Variants in SLC25A48 observed in about 807,000 individuals in gnomAD.
SLC25A48 encodes the protein CTC-321K16.1.
In SLC25A48, 29 loss-of-function variants were observed where a neutral mutation model predicts 32.2. The ratio of observed to expected loss-of-function variants is 0.90; its 90% CI spans 0.67 to 1.23. The LOEUF is 1.23. Among genes scored for constraint, SLC25A48 ranks in the 50% most tolerant of loss-of-function variants. The pLI, the probability that SLC25A48 is intolerant of heterozygous loss-of-function variation, is 0.00. For missense variants in SLC25A48, 399 were observed against 422.7 expected, an observed-to-expected ratio of 0.94 and a Z score of 0.49; for synonymous variants, 164 against 172.3, an observed-to-expected ratio of 0.95 and a Z score of 0.38.
chr5:135,590,244 C>A (rs1450768087), intron 1 of SLC25A48, among the ~76,000 whole-genome samples: 1 of 152,180 alleles, frequency 6.6e-6, no homozygotes, highest in Admixed American at 6.5e-5. Context: ...GAACTGACTC[C>A]CAGGGAACTG....
chr5:135,723,426 G>A (rs1435146428), intron 3 of SLC25A48, among the ~76,000 whole-genome samples: 2 of 89,376 alleles, frequency 2.2e-5, no homozygotes, highest in Non-Finnish European at 6.0e-5. Flanking sequence ...TGGGGAGGGG[G>A]ACAGCTCTAG....
chr5:135,750,292 A>C (rs3963615), intron 3 of SLC25A48, among the ~76,000 whole-genome samples: 107,785 of 151,940 alleles, frequency 0.71, 39,678 homozygotes, highest in Middle Eastern at 0.83. Flanking sequence ...ATGGTTTAAA[A>C]CCACCATGGT....
rs76659275 is a variant in SLC25A48 at position 135,874,257 on chromosome 5, G to A, written c.813+103G>A. ...TAGAGAAGGGAATCAGGAGACCAGGGGGCTGCTGGTGATTATGTATCAGGT... is the reference window on the plus strand; with the variant it reads ...TAGAGAAGGGAATCAGGAGACCAGGAGGCTGCTGGTGATTATGTATCAGGT... On this transcript the variant is annotated intron_variant, in intron 6 of 7. Transcript: ENST00000681962. The A allele has an allele frequency of 6.6e-3, 8,538 of 1,302,160 alleles. 493 individuals are homozygous for A. In the African/African-American group the frequency reaches 0.12, roughly 18 times the overall value. The allele number at this position is 1,302,160 out of a possible 1,614,324, so 80.7% of individuals were successfully genotyped here. A position where few individuals can be genotyped will look rare whatever the true frequency, so the allele number is the denominator to read the frequency against.
chr5:135,651,598 T>C (rs1753115012), intron 3 of SLC25A48, among the ~76,000 whole-genome samples: 1 of 152,118 alleles, frequency 6.6e-6, no homozygotes, highest in African/African-American at 2.4e-5. Flanking sequence ...GCCCTAGGGG[T>C]AGTGGCTGCT....
At chr5:135,712,926 C>T (rs1345009369) in intron 3 of SLC25A48, among the ~76,000 whole-genome samples, 1 of 152,222 alleles carries the variant, frequency 6.6e-6, no homozygotes, top group Non-Finnish European at 1.5e-5. Flanking sequence ...TTCAGGGAGG[C>T]TCTGTATGCC....
rs116406230 is a variant in SLC25A48, at chr5:135,838,490, G to A, written c.46+3597G>A. ...GATAAATGTTTATCACCAAGACAGT[G>A]GGGTAAATATCTGCAGGGCATGTCA... On this transcript the variant is annotated intron_variant, in intron 1 of 7. Transcript: ENST00000681962. Among the ~76,000 whole-genome samples the A allele has an allele frequency of 4.3e-3, 660 of 152,350 alleles. 8 individuals are homozygous for A. Among genetic ancestry groups the A allele is most frequent in the Non-Finnish European group, 6.4e-3 (438 of 68,034 alleles).
chr5:135,887,949 GA>G, intron 7 of SLC25A48, 82 bp from the exon 8 acceptor site: 1 of 1,293,488 alleles, frequency 7.7e-7, no homozygotes, highest in African/African-American at 1.5e-5. Flanking sequence ...GGGGTTAGAG[GA>G]AGGGGTGGCC....
chr5:135,836,101 C>T (rs1580944458), intron 1 of SLC25A48, among the ~76,000 whole-genome samples: 1 of 152,294 alleles, frequency 6.6e-6, no homozygotes, highest in East Asian at 1.9e-4. Context: ...CCGTGGGCTG[C>T]CCCTTAAATA....
At chr5:135,825,437 C>T (rs535882166) in intron 4 of SLC25A48, among the ~76,000 whole-genome samples, 9 of 152,256 alleles carry the variant, frequency 5.9e-5, no homozygotes, top group South Asian at 2.1e-4. Context: ...GAGGCAAGGC[C>T]GGTGGGTTTT....
chr5:135,710,107 C>T (rs924829709), intron 3 of SLC25A48, among the ~76,000 whole-genome samples: 2 of 152,196 alleles, frequency 1.3e-5, no homozygotes, highest in Non-Finnish European at 2.9e-5. Context: ...CAGGAAGTCC[C>T]CTTTCACTGT....
At chr5:135,706,220 G>A (rs1754504238) in intron 3 of SLC25A48, among the ~76,000 whole-genome samples, 1 of 152,190 alleles carries the variant, frequency 6.6e-6, no homozygotes, top group African/African-American at 2.4e-5. Flanking sequence ...GGAGATGTTT[G>A]TCATGAGCCT....
At chr5:135,838,696 G>A (rs1758741531) in intron 1 of SLC25A48, among the ~76,000 whole-genome samples, 1 of 152,242 alleles carries the variant, frequency 6.6e-6, no homozygotes, top group Non-Finnish European at 1.5e-5. Context: ...GGCTTCAGAG[G>A]GTGCAAGCCC....
intron 7 of SLC25A48, among the ~76,000 whole-genome samples, chr5:135,884,446 C>T (rs1762649113): frequency 6.6e-6 from 1 of 152,300 alleles, no homozygotes; most frequent in Non-Finnish European, 1.5e-5. Flanking sequence ...AGCTGCCCAC[C>T]CTCCAGCAGT....
Position 135,780,336 on chromosome 5 carries a change from T to C in SLC25A48, c.-520-32187T>C, listed in dbSNP as rs1425259093. ...CTCCTAACCTCGTGATCCGCCCGCC[T>C]CGGCCTCCCAAAGTGCTGGGATTAC... On this transcript the variant is annotated intron_variant, in intron 3 of 10. Transcript: ENST00000646290. Among the ~76,000 whole-genome samples the C allele has an allele frequency of 1.7e-5, 2 of 116,130 alleles. 1 individual carries two copies. The highest frequency in any genetic ancestry group is 4.2e-5 in the Non-Finnish European group (2 of 47,222). The allele number at this position is 116,130 out of a possible 152,430, so 76.2% of individuals were successfully genotyped here.
At chr5:135,884,911 C>G (rs934012285) in intron 7 of SLC25A48, among the ~76,000 whole-genome samples, 10 of 152,184 alleles carry the variant, frequency 6.6e-5, no homozygotes, top group Admixed American at 5.2e-4. Flanking sequence ...CATCATGGCA[C>G]CTCTTGATGG....
At chr5:135,857,423 T>A (rs185676566) in intron 4 of SLC25A48, among the ~76,000 whole-genome samples, 108 of 152,342 alleles carry the variant, frequency 7.1e-4, no homozygotes, top group African/African-American at 2.6e-3. Flanking sequence ...CAATGTGACA[T>A]GCTCACTCTA....
chr5:135,825,266 T>A (rs1253190440), intron 4 of SLC25A48: 2 of 152,218 alleles, frequency 1.3e-5, no homozygotes, highest in African/African-American at 4.8e-5. Flanking sequence ...ATTCCCATTT[T>A]ATGAATGAGA....
At chr5:135,791,557 T>G (rs556291585) in intron 3 of SLC25A48, among the ~76,000 whole-genome samples, 2 of 151,816 alleles carry the variant, frequency 1.3e-5, no homozygotes, top group South Asian at 4.1e-4. Flanking sequence ...AGGAGTATGT[T>G]ACTCCTAATG....
chr5:135,859,128 C>T (rs1057327743), intron 4 of SLC25A48, among the ~76,000 whole-genome samples: 3 of 152,140 alleles, frequency 2.0e-5, no homozygotes, highest in African/African-American at 7.2e-5. Flanking sequence ...ATACATGTAA[C>T]CTCCTATATT....
Sources: allele counts gnomAD v4.1 joint callset (sites outside exome capture counted in the v4.1 genomes callset), GRCh38; gene constraint gnomAD v4.1.1; transcripts MANE v1.5; gene names NCBI Gene and HGNC (gene_info 2026-07-23, HGNC 2026-07-21).